The following MET variants were observed in gnomAD, a reference collection of about 807,000 sequenced individuals.
The protein encoded by MET is hepatocyte growth factor receptor.
MET carries 48 observed loss-of-function variants against 133.1 expected under a neutral mutation model. The ratio of observed to expected loss-of-function variants is 0.36; its 90% CI spans 0.29 to 0.46. The LOEUF is 0.46. Ranked by LOEUF, MET falls within the 20% of genes least tolerant of loss-of-function variation. MET has a pLI of 1.00. For missense variants in MET, 1,442 were observed against 1,695.9 expected (o/e 0.85, Z 2.63); for synonymous variants, 628 against 616.5 (o/e 1.02, Z -0.28).
intron 2 of MET, chr7:116,724,743 ATCAATTCGC>A (rs1282050234): frequency 9.1e-7 from 1 of 1,102,498 alleles, no homozygotes; most frequent in Non-Finnish European, 1.2e-6. Flanking sequence ...GAATTTCGAA[ATCAATTCGC>A]TCAACCTCTC....
intron 1 of MET, among the ~76,000 whole-genome samples, chr7:116,676,981 T>C (rs541433797): frequency 4.6e-4 from 49 of 107,212 alleles, no homozygotes; most frequent in Non-Finnish European, 1.1e-3. Flanking sequence ...ACCCAGAGTG[T>C]TGTTTTGTTT....
intron 14 of MET, among the ~76,000 whole-genome samples, chr7:116,772,838 A>C (rs1228030872): frequency 6.6e-6 from 1 of 152,178 alleles, no homozygotes; most frequent in African/African-American, 2.4e-5. Context: ...TTATGTTTTG[A>C]AGTTTATGTT....
chr7:116,721,402 G>A (rs376678277), intron 2 of MET, among the ~76,000 whole-genome samples: 25 of 151,898 alleles, frequency 1.6e-4, no homozygotes, highest in Non-Finnish European at 2.2e-4. Flanking sequence ...TCTTGCTAGC[G>A]GTCTATCAAT....
intron 1 of MET, among the ~76,000 whole-genome samples, chr7:116,678,740 T>A (rs894134423): frequency 3.3e-5 from 5 of 152,126 alleles, no homozygotes; most frequent in African/African-American, 1.2e-4. Context: ...CCAGAGTGTA[T>A]CTAGACCAGC....
chr7:116,678,432 G>GT (rs3840635), intron 1 of MET, among the ~76,000 whole-genome samples: 10 of 151,630 alleles, frequency 6.6e-5, no homozygotes, highest in African/African-American at 9.7e-5. Flanking sequence ...GAAAATGTAT[G>GT]TTTTTTTTTA....
chr7:116,735,395 T>C (rs1226255571), intron 3 of MET, among the ~76,000 whole-genome samples: 1 of 152,226 alleles, frequency 6.6e-6, no homozygotes, highest in African/African-American at 2.4e-5. Context: ...TAAAGGACTG[T>C]GTTAGTAATC....
intron 17 of MET, among the ~76,000 whole-genome samples, chr7:116,780,456 AC>A (rs1348978879): frequency 6.6e-6 from 1 of 152,214 alleles, no homozygotes; most frequent in Admixed American, 6.5e-5. Flanking sequence ...TACAAAGCAC[AC>A]AGCTGCCCTG....
chr7:116,706,796 C>CA (rs1261881230), intron 2 of MET, among the ~76,000 whole-genome samples: 1 of 151,998 alleles, frequency 6.6e-6, no homozygotes, highest in East Asian at 1.9e-4. Flanking sequence ...GTCACATCTC[C>CA]AGCGTCCAGG....
intron 19 of MET, among the ~76,000 whole-genome samples, chr7:116,789,359 C>G (rs1449793434): frequency 6.6e-6 from 1 of 152,176 alleles, no homozygotes; most frequent in Admixed American, 6.6e-5. Context: ...AAACTCTTTC[C>G]TGCCAAACCC....
rs369758288 is a variant in MET at position 116,763,240 on chromosome 7, T to C, written c.2555T>C (p.Met852Thr). The stretch of plus-strand genomic sequence containing the variant: ...TTTGAAAAGCCAGTGATGATCTCAA[T>C]GGGCAATGAAAATGTACTGGAAATT... ...KPFEKPVMISMGNENVLEIKG... is the reference protein window; with the variant it reads ...KPFEKPVMISTGNENVLEIKG... Residue 852 changes from methionine (M) to threonine (T), a missense_variant, in exon 11 of 21, where the codon ATG becomes ACG. Physicochemically the swap from Met to Thr is moderately conservative, Grantham distance 81. Around this residue, in one of 6 missense-constraint regions of MET, gnomAD observed 514 missense variants for 659.6 expected, o/e 0.78. Transcript: ENST00000397752. 5 of 1,613,826 alleles carry C rather than the reference T, an allele frequency of 3.1e-6. No homozygotes were observed. Among genetic ancestry groups the C allele is most frequent in the Non-Finnish European group, 3.4e-6 (4 of 1,179,904 alleles).
Position 116,797,789 on chromosome 7 carries a change from A to C in MET, c.*1665A>C. 1 of 226,508 alleles carries C rather than the reference A, an allele frequency of 4.4e-6. No homozygotes were observed. The allele number at this position is 226,508 out of a possible 1,614,324, so 14.0% of individuals were successfully genotyped here. On this transcript the variant is annotated 3_prime_UTR_variant, in exon 21 of 21. Transcript: ENST00000397752. ...AAGGAAATGTACTGATTGCCAATACACCCCACCCTCATTACATCATCAGGA... is the reference window on the plus strand; with the variant it reads ...AAGGAAATGTACTGATTGCCAATACCCCCCACCCTCATTACATCATCAGGA...
At chr7:116,766,947 C>A (rs1338353503) in intron 11 of MET, among the ~76,000 whole-genome samples, 2 of 152,130 alleles carry the variant, frequency 1.3e-5, no homozygotes, top group African/African-American at 4.8e-5. Flanking sequence ...GAACTCAGTT[C>A]TGAAGCTGTC....
chr7:116,697,254 C>T (rs570999335), intron 1 of MET, among the ~76,000 whole-genome samples: 1 of 152,206 alleles, frequency 6.6e-6, no homozygotes, highest in South Asian at 2.1e-4. Context: ...GTATCAAATC[C>T]TACTTATTCA....
Position 116,757,632 on chromosome 7 carries a change from C to T in MET, c.1966-6C>T, listed in dbSNP as rs2116922822. ...TTACTTTGTTTTGTTTTTATCTCCC[C>T]TCCAGGATCCTGTAATAACAAGTAT... On this transcript the variant is annotated splice_region_variant and splice_polypyrimidine_tract_variant and intron_variant, in intron 7 of 20. Coordinates refer to ENST00000397752, the MANE Select transcript of MET (RefSeq NM_000245.4). 7 of 1,613,930 alleles carry T rather than the reference C, an allele frequency of 4.3e-6. No homozygotes were observed. The highest frequency in any genetic ancestry group is 5.9e-6 in the Non-Finnish European group (7 of 1,179,942).
intron 2 of MET, among the ~76,000 whole-genome samples, chr7:116,710,234 G>C (rs1791943425): frequency 6.6e-6 from 1 of 152,136 alleles, no homozygotes; most frequent in Admixed American, 6.5e-5. Context: ...TCTGTTACTG[G>C]CCTGATATTA....
chr7:116,699,249 C>G lies in MET; in HGVS notation c.165C>G (p.Val55=), dbSNP rs915978772. ...NFTAETPIQN[V]ILHEHHIFLG... ...CCGCGGAAACACCCATCCAGAATGT[C>G]ATTCTACATGAGCATCACATTTTCC... Residue 55 remains valine (V), a synonymous_variant, in exon 2 of 21, where the codon GTC becomes GTG. Transcript: ENST00000397752. The G allele has an allele frequency of 2.5e-6, 4 of 1,613,980 alleles. No homozygotes were observed. The South Asian group carries it at 4.4e-5, about 18-fold the overall frequency.
At chr7:116,691,745 G>A (rs1230305243) in intron 1 of MET, among the ~76,000 whole-genome samples, 1 of 152,138 alleles carries the variant, frequency 6.6e-6, no homozygotes, top group African/African-American at 2.4e-5. Context: ...TAGTGCTCAT[G>A]CTGTCAGAAT....
chr7:116,676,587 A>G (rs948279578), intron 1 of MET, among the ~76,000 whole-genome samples: 2 of 152,232 alleles, frequency 1.3e-5, no homozygotes, highest in African/African-American at 4.8e-5. Flanking sequence ...TCAAGGTAGA[A>G]TAAAATGGAA....
rs779587544 is a variant in MET at position 116,769,809 on chromosome 7, C to A, written c.2730+18C>A. 6.2e-7 allele frequency: 1 copy of A among 1,613,504 alleles called. No individual in the cohort carries two copies. The highest frequency in any genetic ancestry group is 1.1e-5 in the South Asian group (1 of 91,062). On this transcript the variant is annotated intron_variant, in intron 12 of 20. Coordinates refer to ENST00000397752, the MANE Select transcript of MET (RefSeq NM_000245.4). ...ATATAGAGGTGGGATTCCTGCATTC[C>A]TCTCATGATGTAAATAAGGAAGCCA...
Sources: allele counts gnomAD v4.1 joint callset (sites outside exome capture counted in the v4.1 genomes callset), GRCh38; gene constraint gnomAD v4.1.1; regional missense constraint gnomAD v4.1.1; transcripts MANE v1.5; gene names NCBI Gene and HGNC (gene_info 2026-07-23, HGNC 2026-07-21).